UNC5D: variants seen among roughly 807,000 people sequenced by gnomAD.
The protein encoded by UNC5D is netrin receptor UNC5D.
Under a neutral mutation model 105.4 loss-of-function variants are expected in UNC5D, and 39 were observed. The ratio of observed to expected loss-of-function variants is 0.37; its 90% CI spans 0.29 to 0.48. The LOEUF is 0.48. Among genes scored for constraint, UNC5D ranks in the 20% least tolerant of loss-of-function variants. The pLI is 0.98. For missense variants in UNC5D, 991 were observed against 1,202.4 expected (o/e 0.82, Z 2.60); for synonymous variants, 452 against 450.4 (o/e 1.00, Z -0.04).
At chr8:35,703,796 C>T (rs546393065) in intron 7 of UNC5D, among the ~76,000 whole-genome samples, 49 of 152,274 alleles carry the variant, frequency 3.2e-4, no homozygotes, top group African/African-American at 1.2e-3. Flanking sequence ...TACATGTCTC[C>T]TAGTGTAGTT....
At chr8:35,297,201 G>T (rs1807559406) in intron 1 of UNC5D, among the ~76,000 whole-genome samples, 1 of 152,028 alleles carries the variant, frequency 6.6e-6, no homozygotes, top group Admixed American at 6.6e-5. Context: ...AATCATAAGT[G>T]TTTTATATCT....
intron 1 of UNC5D, among the ~76,000 whole-genome samples, chr8:35,429,874 C>A (rs1340155398): frequency 6.6e-6 from 1 of 152,068 alleles, no homozygotes; most frequent in Non-Finnish European, 1.5e-5. Context: ...AAACCATTTT[C>A]TCGAATTTCA....
intron 1 of UNC5D, among the ~76,000 whole-genome samples, chr8:35,405,702 G>T (rs749553369): frequency 6.6e-6 from 1 of 150,950 alleles, no homozygotes; most frequent in East Asian, 1.9e-4. Flanking sequence ...TTTTTTTTAC[G>T]GGCTCTGAAA....
At chr8:35,549,555 G>T in intron 2 of UNC5D, 45 bp downstream of exon 2, 2 of 1,563,290 alleles carry the variant, frequency 1.3e-6, no homozygotes, top group South Asian at 1.1e-5. Flanking sequence ...GACTCTTTAG[G>T]TTCTCCTGTG....
intron 4 of UNC5D, among the ~76,000 whole-genome samples, chr8:35,639,707 C>A (rs1036371136): frequency 3.9e-5 from 6 of 151,952 alleles, no homozygotes; most frequent in South Asian, 4.2e-4. Flanking sequence ...GAGAAAAGAA[C>A]TACTTATTTT....
At chr8:35,501,893 CT>C (rs1247996060) in intron 1 of UNC5D, among the ~76,000 whole-genome samples, 1 of 152,168 alleles carries the variant, frequency 6.6e-6, no homozygotes, top group African/African-American at 2.4e-5. Flanking sequence ...ATGTTTTCCC[CT>C]AACTTCGGCA....
chr8:35,410,176 C>T (rs1246493904), intron 1 of UNC5D, among the ~76,000 whole-genome samples: 3 of 151,836 alleles, frequency 2.0e-5, no homozygotes, highest in Non-Finnish European at 2.9e-5. Flanking sequence ...TTGTCTGGTA[C>T]GTAGTAAGCA....
In UNC5D at chr8:35,249,349, A is replaced by G. The variant is rs1238636715; in HGVS notation, c.103+13462A>G. ...AAGGCAGATGGATCACCTGAGGTCAAGAGTTCGAGATCAGAGTGGCTAACA... is the reference window on the plus strand; with the variant it reads ...AAGGCAGATGGATCACCTGAGGTCAGGAGTTCGAGATCAGAGTGGCTAACA... On this transcript the variant is annotated intron_variant, in intron 1 of 16. Transcript: ENST00000404895. Among the ~76,000 whole-genome samples, 3 of 149,302 alleles carry G rather than the reference A, an allele frequency of 2.0e-5. No individual in the cohort carries two copies. The East Asian group carries it at 5.9e-4, about 29-fold the overall frequency.
intron 1 of UNC5D, among the ~76,000 whole-genome samples, chr8:35,265,868 C>CATAATAATAATA (rs3991303): frequency 3.5e-5 from 5 of 142,510 alleles, no homozygotes; most frequent in African/African-American, 1.0e-4. Flanking sequence ...AGACTCGTCT[C>CATAATAATAATA]ATAATAATAA....
chr8:35,352,431 A>G (rs1018455707), intron 1 of UNC5D, among the ~76,000 whole-genome samples: 1 of 152,094 alleles, frequency 6.6e-6, no homozygotes, highest in African/African-American at 2.4e-5. Context: ...AGTAAAGAAA[A>G]AGCTACCAAC....
intron 1 of UNC5D, among the ~76,000 whole-genome samples, chr8:35,291,237 A>T (rs1807043761): frequency 6.6e-6 from 1 of 152,208 alleles, no homozygotes; most frequent in Non-Finnish European, 1.5e-5. Context: ...ACAAACTGAA[A>T]GAGAAGGGAT....
At chr8:35,741,864 C>T (rs1488200941) in intron 11 of UNC5D, among the ~76,000 whole-genome samples, 1 of 152,136 alleles carries the variant, frequency 6.6e-6, no homozygotes, top group African/African-American at 2.4e-5. Flanking sequence ...GGCCCTATCC[C>T]AGAAATACCA....
rs148691375 is a variant in UNC5D at position 35,491,819 on chromosome 8, C to A, written c.104-57473C>A. Among the ~76,000 whole-genome samples the A allele has an allele frequency of 2.0e-3, 308 of 152,206 alleles. 1 individual carries two copies. Among genetic ancestry groups the A allele is most frequent in the African/African-American group, 6.8e-3 (282 of 41,526 alleles). ...TTTCTTATTTATTCTACTCTTAGACCTTTAGTTTCCAGAAACTGACCAGCT... is the reference window on the plus strand; with the variant it reads ...TTTCTTATTTATTCTACTCTTAGACATTTAGTTTCCAGAAACTGACCAGCT... On this transcript the variant is annotated intron_variant, in intron 1 of 16. Coordinates refer to ENST00000404895, the MANE Select transcript of UNC5D (RefSeq NM_080872.4).
At chr8:35,456,180 A>G (rs1023874777) in intron 1 of UNC5D, among the ~76,000 whole-genome samples, 2 of 152,162 alleles carry the variant, frequency 1.3e-5, no homozygotes, top group African/African-American at 2.4e-5. Context: ...CTGGCATTAT[A>G]ATTTAATGGC....
chr8:35,555,303 A>G (rs756460252), intron 2 of UNC5D, among the ~76,000 whole-genome samples: 16 of 152,236 alleles, frequency 1.1e-4, no homozygotes, highest in Non-Finnish European at 2.2e-4. Flanking sequence ...AATTCCCTAC[A>G]TAAACTGGTA....
At chr8:35,525,460 C>G in intron 1 of UNC5D, 25 of 1,612,272 alleles carry the variant, frequency 1.6e-5, no homozygotes, top group Non-Finnish European at 2.1e-5. Context: ...ATTGCATAGG[C>G]CTGGCTCAGC....
At chr8:35,582,331 T>G (rs1247914282) in intron 3 of UNC5D, among the ~76,000 whole-genome samples, 1 of 152,252 alleles carries the variant, frequency 6.6e-6, no homozygotes, top group Non-Finnish European at 1.5e-5. Flanking sequence ...GTTGCATCTT[T>G]CTTGTCAGTT....
intron 4 of UNC5D, among the ~76,000 whole-genome samples, chr8:35,651,519 A>C (rs539450587): frequency 2.0e-5 from 3 of 152,238 alleles, no homozygotes; most frequent in African/African-American, 7.2e-5. Context: ...AATACAAAAG[A>C]GTATATGTAA....
chr8:35,261,436 T>A (rs1425100902), intron 1 of UNC5D, among the ~76,000 whole-genome samples: 1 of 152,150 alleles, frequency 6.6e-6, no homozygotes, highest in South Asian at 2.1e-4. Flanking sequence ...GTAACTGTCA[T>A]AGAAAGATAA....
Sources: gnomAD v4.1 joint callset for allele counts (sites outside exome capture counted in the v4.1 genomes callset) on GRCh38, gnomAD v4.1.1 for gene constraint, MANE v1.5 for transcripts, NCBI Gene and HGNC (gene_info 2026-07-23, HGNC 2026-07-21) for gene names.